The following KIF13B variants were observed in gnomAD, a reference collection of about 807,000 sequenced individuals.
The protein encoded by KIF13B is kinesin family member 13B.
In KIF13B, 127 loss-of-function variants were observed where a neutral mutation model predicts 222.0. The ratio of observed to expected loss-of-function variants is 0.57; its 90% CI spans 0.50 to 0.66. The LOEUF is 0.66. Among genes scored for constraint, KIF13B ranks in the 30% least tolerant of loss-of-function variants. The probability of loss-of-function intolerance (pLI) is 0.00; values close to 1 mark genes in which losing one functional copy is unlikely to be tolerated. For missense variants in KIF13B, 2,173 were observed against 2,379.0 expected (o/e 0.91, Z 1.80); for synonymous variants, 976 against 919.0 (o/e 1.06, Z -1.12).
intron 1 of KIF13B, among the ~76,000 whole-genome samples, chr8:29,258,244 T>C (rs1354478286): frequency 6.6e-6 from 1 of 152,212 alleles, no homozygotes; most frequent in African/African-American, 2.4e-5. Flanking sequence ...TTGCTGGGTT[T>C]TTCCTTTGCC....
intron 6 of KIF13B, among the ~76,000 whole-genome samples, chr8:29,184,853 T>C (rs549533477): frequency 6.6e-6 from 1 of 152,232 alleles, no homozygotes; most frequent in South Asian, 2.1e-4. Flanking sequence ...CAAGAAAAAG[T>C]GTTCAAGGCA....
At chr8:29,116,734 G>A in intron 31 of KIF13B, 97 bp downstream of exon 31, 1 of 1,154,096 alleles carries the variant, frequency 8.7e-7, no homozygotes, top group Non-Finnish European at 1.2e-6. Flanking sequence ...AGTGCTTCCG[G>A]GAGCCTGTTT....
chr8:29,134,803 G>C (rs1810487158), intron 21 of KIF13B, among the ~76,000 whole-genome samples: 1 of 152,192 alleles, frequency 6.6e-6, no homozygotes, highest in East Asian at 1.9e-4. Flanking sequence ...GGGAGAGATA[G>C]AAGGGAAGTG....
intron 10 of KIF13B, among the ~76,000 whole-genome samples, chr8:29,170,212 T>C (rs966323114): frequency 5.9e-5 from 9 of 152,216 alleles, no homozygotes; most frequent in African/African-American, 1.9e-4. Context: ...AATTAAATAG[T>C]CATAGGAAAG....
Position 29,070,551 on chromosome 8 carries a change from C to T in KIF13B, c.5434G>A (p.Asp1812Asn), listed in dbSNP as rs200053841. 5.3e-4 allele frequency: 852 copies of T among 1,608,740 alleles called. 1 individual carries two copies. Among genetic ancestry groups the T allele is most frequent in the Non-Finnish European group, 5.4e-4 (642 of 1,178,254 alleles). ...ASLTAALAKA[D>N]RSHKNPENRK... ...TTCTCAGGGTTCTTGTGGCTCCTGT[C>T]GGCCTTGGCCAGGGCAGCTGTCAGC... Residue 1812 changes from aspartate to asparagine, a missense_variant, in exon 40 of 40, where the codon GAC becomes AAC. By Grantham distance (23) the Asp-to-Asn change is conservative. Transcript: ENST00000524189. This position sits in a 1 kb window ranked among gnomAD's most constrained non-coding sequence, Gnocchi z 4.1.
intron 2 of KIF13B, among the ~76,000 whole-genome samples, chr8:29,197,321 A>G (rs1246399311): frequency 8.4e-6 from 1 of 118,882 alleles, no homozygotes; most frequent in Non-Finnish European, 1.7e-5. Flanking sequence ...TGGGCGACAG[A>G]GCGAGACTCC....
intron 6 of KIF13B, among the ~76,000 whole-genome samples, chr8:29,184,553 A>G (rs1358181628): frequency 2.6e-5 from 4 of 152,222 alleles, no homozygotes; most frequent in Non-Finnish European, 4.4e-5. Context: ...GGTAACAAGT[A>G]GAGGACCTAG....
At position 29,140,619 on chromosome 8, in the gene KIF13B, T is replaced by G; in HGVS notation, c.2335-2A>C. Reference sequence around the variant, plus strand: ...ACGTTTGAAGTATGATCGTATTACCTGTAAAGAGATTGAGAACACACAACT... The same window carrying G: ...ACGTTTGAAGTATGATCGTATTACCGGTAAAGAGATTGAGAACACACAACT... On this transcript the variant is annotated splice_acceptor_variant, in intron 19 of 39. Transcript: ENST00000524189. LOFTEE classifies it high-confidence loss of function. 6.2e-7 allele frequency: 1 copy of G among 1,606,480 alleles called. No homozygotes were observed. Among genetic ancestry groups the G allele is most frequent in the Non-Finnish European group, 8.5e-7 (1 of 1,176,362 alleles).
rs181232171 is a variant in KIF13B at position 29,089,680 on chromosome 8, G to C, written c.4458+3065C>G. ...AGGCTGAGGCGGGTAGATCATTTGA[G>C]GTTAGGAGTTCGAGACCAGCCTTGC... On this transcript the variant is annotated intron_variant, in intron 37 of 39. Transcript: ENST00000524189. Among the ~76,000 whole-genome samples the C allele has an allele frequency of 5.3e-4, 80 of 152,134 alleles. 1 individual carries two copies. The East Asian group carries it at 0.014, about 27-fold the overall frequency.
intron 2 of KIF13B, among the ~76,000 whole-genome samples, chr8:29,219,933 G>A (rs868430011): frequency 1.3e-5 from 2 of 151,844 alleles, no homozygotes; most frequent in Admixed American, 1.3e-4. Flanking sequence ...GTGTGGTGGT[G>A]CATGCCTATG....
At chr8:29,074,174 C>T (rs1807447976) in intron 38 of KIF13B, among the ~76,000 whole-genome samples, 1 of 152,178 alleles carries the variant, frequency 6.6e-6, no homozygotes, top group Non-Finnish European at 1.5e-5. Flanking sequence ...CAGCTGCATG[C>T]CTCAGATTTG....
intron 37 of KIF13B, among the ~76,000 whole-genome samples, chr8:29,079,844 T>C (rs1237270170): frequency 6.6e-6 from 1 of 152,222 alleles, no homozygotes; most frequent in Non-Finnish European, 1.5e-5. Flanking sequence ...ATGATTTAAA[T>C]CCAAGTATAG....
At chr8:29,242,759 G>T (rs774213090) in intron 2 of KIF13B, among the ~76,000 whole-genome samples, 1 of 152,168 alleles carries the variant, frequency 6.6e-6, no homozygotes, top group Non-Finnish European at 1.5e-5. Flanking sequence ...ACGTCCTTTC[G>T]TTCTTATCCT....
chr8:29,177,817 G>A (rs1586886170), intron 8 of KIF13B, among the ~76,000 whole-genome samples: 1 of 152,312 alleles, frequency 6.6e-6, no homozygotes, highest in East Asian at 1.9e-4. Context: ...AACTGAGGTG[G>A]GAGATCACTT....
Position 29,116,822 on chromosome 8 carries a change from A to G in KIF13B, c.3837+9T>C, listed in dbSNP as rs768649086. 3.2e-6 allele frequency: 5 copies of G among 1,558,552 alleles called. No individual in the cohort carries two copies. The African/African-American group carries it at 6.8e-5, about 21-fold the overall frequency. ...GTGGTTAGAGTCGTTTCTTCCACTG[A>G]AGACTAACCTGGCGGCCGTGAACAT... On this transcript the variant is annotated intron_variant, in intron 31 of 39. Transcript: ENST00000524189.
At position 29,098,170 on chromosome 8, in the gene KIF13B, C is replaced by CAAAAAAAAAAAAAAAAAAAAA. The variant is rs147089450; in HGVS notation, c.4324+962_4324+963insTTTTTTTTTTTTTTTTTTTTT. Reference sequence around the variant, plus strand: ...TGGGCGACAGAGTCAGACTCCATCTCAAAAAAAAAAAAAAAAAAAAGTAAG... The same window carrying CAAAAAAAAAAAAAAAAAAAAA: ...TGGGCGACAGAGTCAGACTCCATCTCAAAAAAAAAAAAAAAAAAAAAAAAAAAAAAAAAAAAAAAAAGTAAG... On this transcript the variant is annotated intron_variant, in intron 36 of 39. Transcript: ENST00000524189. Among the ~76,000 whole-genome samples the CAAAAAAAAAAAAAAAAAAAAA allele has an allele frequency of 2.8e-3, 85 of 30,290 alleles. 4 individuals are homozygous for CAAAAAAAAAAAAAAAAAAAAA. The highest frequency in any genetic ancestry group is 3.3e-3 in the Non-Finnish European group (57 of 17,066). 19.9% of individuals were successfully genotyped at this position (30,290 alleles called of 152,430 possible).
chr8:29,133,837 T>A (rs964906006), intron 22 of KIF13B, among the ~76,000 whole-genome samples: 1 of 152,208 alleles, frequency 6.6e-6, no homozygotes, highest in Non-Finnish European at 1.5e-5. Context: ...TACATACATA[T>A]GTGTTTTGTT....
rs1807300800 is a variant in KIF13B at position 29,071,889 on chromosome 8, C to A, written c.4949G>T (p.Arg1650Met). 13 of 1,488,412 alleles carry A rather than the reference C, an allele frequency of 8.7e-6. No individual in the cohort carries two copies. The highest frequency in any genetic ancestry group is 1.1e-5 in the Non-Finnish European group (13 of 1,130,844). 92.2% of individuals were successfully genotyped at this position (1,488,412 alleles called of 1,614,324 possible). A position where few individuals can be genotyped will look rare whatever the true frequency, so the allele number is the denominator to read the frequency against. Residue 1650 changes from arginine (R) to methionine (M), a missense_variant, in exon 39 of 40, where the codon AGG (arginine) becomes ATG (methionine). Physicochemically the swap from Arg to Met is moderately conservative, Grantham distance 91. Around this residue, in one of 2 missense-constraint regions of KIF13B, gnomAD observed 693 missense variants for 656.2 expected, o/e 1.06. Coordinates refer to ENST00000524189, the MANE Select transcript of KIF13B (RefSeq NM_015254.4). This position sits in a 1 kb window ranked among gnomAD's most constrained non-coding sequence, Gnocchi z 4.9. ...GGAGCGCAACTCCGAGGCCCGCACCCTCCGGACGCGGAACGGGGAGCCGGG... is the reference window on the plus strand; with the variant it reads ...GGAGCGCAACTCCGAGGCCCGCACCATCCGGACGCGGAACGGGGAGCCGGG... ...PAPGSPFRVR[R>M]VRASELRSFS... is the part of the protein sequence containing the mutation.
intron 2 of KIF13B, among the ~76,000 whole-genome samples, chr8:29,204,837 C>T (rs1813857800): frequency 6.6e-6 from 1 of 151,096 alleles, no homozygotes; most frequent in Non-Finnish European, 1.5e-5. Context: ...ATTTTTATTT[C>T]TCTCAGTATT....
Sources: gnomAD v4.1 joint callset for allele counts (sites outside exome capture counted in the v4.1 genomes callset) on GRCh38, gnomAD v4.1.1 for gene constraint, gnomAD v4.1.1 regional missense constraint, Gnocchi (gnomAD v3.1) non-coding constraint, MANE v1.5 for transcripts, NCBI Gene and HGNC (gene_info 2026-07-23, HGNC 2026-07-21) for gene names.